Variants in ALG14 observed in about 807,000 individuals in gnomAD.
The protein encoded by ALG14 is UDP-N-acetylglucosamine transferase subunit ALG14.
Under a neutral mutation model 22.8 loss-of-function variants are expected in ALG14, and 17 were observed. That is an observed-to-expected ratio of 0.75 (90% confidence interval 0.51 to 1.12). The LOEUF (loss-of-function observed/expected upper bound fraction) is 1.12, where lower values mean the gene tolerates loss of function less well. ALG14 is among the 50% of genes most tolerant of loss of function. ALG14 has a pLI of 0.00. For missense variants in ALG14, 288 were observed against 271.8 expected (o/e 1.06, Z -0.42); for synonymous variants, 89 against 103.7 (o/e 0.86, Z 0.86).
At chr1:95,031,406 C>T (rs150064491) in intron 2 of ALG14, among the ~76,000 whole-genome samples, 79 of 152,284 alleles carry the variant, frequency 5.2e-4, no homozygotes, top group Non-Finnish European at 1.1e-3. Flanking sequence ...ATGACTGGCA[C>T]GGGACAGGAG....
At chr1:95,036,869 C>T (rs1192661529) in intron 2 of ALG14, among the ~76,000 whole-genome samples, 1 of 152,180 alleles carries the variant, frequency 6.6e-6, no homozygotes, top group East Asian at 1.9e-4. Flanking sequence ...CAGTGTCCCA[C>T]TGTGAAGCAA....
chr1:95,016,944 T>G (rs1474628552), intron 3 of ALG14, among the ~76,000 whole-genome samples: 13 of 17,310 alleles, frequency 7.5e-4, no homozygotes, highest in Middle Eastern at 0.05. Flanking sequence ...GCAAAAGGGG[T>G]GTGTGTGTGT....
At chr1:95,024,667 T>A (rs529364931) in intron 3 of ALG14, among the ~76,000 whole-genome samples, 1 of 152,278 alleles carries the variant, frequency 6.6e-6, no homozygotes, top group Non-Finnish European at 1.5e-5. Context: ...ATCACCTCAG[T>A]CCACTCAGGG....
At chr1:95,028,771 C>T (rs1673905957) in intron 2 of ALG14, among the ~76,000 whole-genome samples, 1 of 151,854 alleles carries the variant, frequency 6.6e-6, no homozygotes, top group African/African-American at 2.4e-5. Flanking sequence ...TGCACTCCAG[C>T]TTGGGTGATA....
intron 2 of ALG14, among the ~76,000 whole-genome samples, chr1:95,047,049 T>G (rs1046345074): frequency 1.3e-5 from 2 of 149,804 alleles, no homozygotes; most frequent in Admixed American, 6.6e-5. Context: ...CATGCCTGTA[T>G]GAACCAACAT....
chr1:95,040,695 A>AT (rs751281386), intron 2 of ALG14, among the ~76,000 whole-genome samples: 4 of 151,920 alleles, frequency 2.6e-5, no homozygotes, highest in Non-Finnish European at 5.9e-5. Context: ...AAAGGTATAG[A>AT]TTTTTTTTTT....
At chr1:95,018,312 G>C (rs139854683) in intron 3 of ALG14, among the ~76,000 whole-genome samples, 4,173 of 152,186 alleles carry the variant, frequency 0.027, 78 homozygotes, top group Admixed American at 0.042. Context: ...GAGGAGGGCA[G>C]ATCACTTGAG....
chr1:95,045,186 C>G (rs771476671), intron 2 of ALG14, among the ~76,000 whole-genome samples: 11 of 152,062 alleles, frequency 7.2e-5, no homozygotes, highest in Admixed American at 4.6e-4. Flanking sequence ...ACTTGTATTA[C>G]TTGATAGTCT....
intron 2 of ALG14, among the ~76,000 whole-genome samples, chr1:95,034,540 TA>T (rs1319614976): frequency 6.6e-6 from 1 of 152,206 alleles, no homozygotes; most frequent in Non-Finnish European, 1.5e-5. Flanking sequence ...CTCAGGGTTT[TA>T]AGGGACATAC....
At chr1:95,039,674 G>C (rs1674320111) in intron 2 of ALG14, among the ~76,000 whole-genome samples, 1 of 152,158 alleles carries the variant, frequency 6.6e-6, no homozygotes, top group African/African-American at 2.4e-5. Context: ...AGGTATTTTA[G>C]GTTGAAATGG....
rs570824722 is a variant in ALG14 at position 94,994,563 on chromosome 1, TC to T, written c.421-11258del. ...GCTCTGAGAGGTAGATGTTCTGTCT[TC>T]CTGTTTTAGACAAGGAAGCTATGGT... On this transcript the variant is annotated intron_variant, in intron 3 of 3. Transcript: ENST00000370205. Among the ~76,000 whole-genome samples the T allele has an allele frequency of 3.5e-3, 538 of 152,362 alleles. 18 individuals carry two copies. Among genetic ancestry groups the T allele is most frequent in the Admixed American group, 0.034 (521 of 15,292 alleles).
At chr1:95,044,059 T>C (rs1258097952) in intron 2 of ALG14, among the ~76,000 whole-genome samples, 2 of 152,188 alleles carry the variant, frequency 1.3e-5, no homozygotes, top group Admixed American at 1.3e-4. Flanking sequence ...GGGTTGGTGA[T>C]GGCAATCCCA....
At chr1:94,990,421 C>T (rs1291634845) in intron 3 of ALG14, among the ~76,000 whole-genome samples, 1 of 152,174 alleles carries the variant, frequency 6.6e-6, no homozygotes, top group East Asian at 1.9e-4. Context: ...ATCAAAATAT[C>T]AAGAACAACA....
At chr1:95,040,237 T>C (rs1389635972) in intron 2 of ALG14, among the ~76,000 whole-genome samples, 1 of 152,080 alleles carries the variant, frequency 6.6e-6, no homozygotes, top group Non-Finnish European at 1.5e-5. Context: ...CAGGCCTCCT[T>C]ATTTCACAGT....
chr1:95,038,271 T>C (rs764418952), intron 2 of ALG14, among the ~76,000 whole-genome samples: 20 of 152,190 alleles, frequency 1.3e-4, no homozygotes, highest in Non-Finnish European at 2.4e-4. Flanking sequence ...TTGGATCACC[T>C]GAGGTCAGGA....
intron 3 of ALG14, among the ~76,000 whole-genome samples, chr1:95,001,649 C>T (rs1481461315): frequency 6.6e-6 from 1 of 152,144 alleles, no homozygotes; most frequent in East Asian, 1.9e-4. Flanking sequence ...GTGTGCACCA[C>T]CATGTCTGGC....
chr1:95,015,371 G>T (rs554362471), intron 3 of ALG14, among the ~76,000 whole-genome samples: 1 of 152,110 alleles, frequency 6.6e-6, no homozygotes, highest in East Asian at 1.9e-4. Context: ...CAGAAAGCTT[G>T]GTTTTTGACT....
At chr1:95,050,596 T>C (rs1390262762) in intron 2 of ALG14, among the ~76,000 whole-genome samples, 1 of 152,122 alleles carries the variant, frequency 6.6e-6, no homozygotes, top group Non-Finnish European at 1.5e-5. Flanking sequence ...AAGTCCCTAA[T>C]TGCCACAAAC....
At chr1:95,038,840 T>C (rs919164403) in intron 2 of ALG14, among the ~76,000 whole-genome samples, 21 of 151,792 alleles carry the variant, frequency 1.4e-4, no homozygotes, top group South Asian at 1.3e-3. Flanking sequence ...CACCTTGGCC[T>C]TCTGGGTAGC....
Sources: gnomAD v4.1 joint callset for allele counts (sites outside exome capture counted in the v4.1 genomes callset) on GRCh38, gnomAD v4.1.1 for gene constraint, MANE v1.5 for transcripts, NCBI Gene and HGNC (gene_info 2026-07-23, HGNC 2026-07-21) for gene names.